Variants in TCF12 observed in about 807,000 individuals in gnomAD.
TCF12 encodes DNA-binding protein HTF4.
A neutral mutation model predicts 86.0 loss-of-function variants in TCF12; 45 were observed. The observed-to-expected ratio is 0.52, with a 90% confidence interval of 0.41 to 0.67. The LOEUF is 0.67. Among genes scored for constraint, TCF12 ranks in the 30% least tolerant of loss-of-function variants. TCF12 has a pLI of 0.00. For synonymous variants in TCF12, 330 were observed against 299.6 expected (o/e 1.10, Z -1.05); for missense variants, 881 against 859.9 (o/e 1.02, Z -0.31).
chr15:57,021,297 C>G (rs1034829436), intron 3 of TCF12, among the ~76,000 whole-genome samples: 4 of 152,166 alleles, frequency 2.6e-5, no homozygotes, highest in Non-Finnish European at 5.9e-5. Context: ...GCCATTGTGT[C>G]ATGCTGAAAT....
intron 18 of TCF12, among the ~76,000 whole-genome samples, chr15:57,264,305 A>G: frequency 7.5e-6 from 1 of 134,008 alleles, no homozygotes; most frequent in East Asian, 2.4e-4. Flanking sequence ...GGTTCAAGTG[A>G]TTCTCCTGCC....
chr15:57,276,617 C>T (rs1249748492), intron 19 of TCF12, among the ~76,000 whole-genome samples: 22 of 151,846 alleles, frequency 1.4e-4, no homozygotes, highest in African/African-American at 3.9e-4. Context: ...TCAGAGCATT[C>T]GGGTAAAAAA....
At chr15:57,280,530 C>G (rs1369468293) in intron 19 of TCF12, among the ~76,000 whole-genome samples, 2 of 152,172 alleles carry the variant, frequency 1.3e-5, no homozygotes, top group Non-Finnish European at 2.9e-5. Flanking sequence ...TGGATGTGAA[C>G]TGTAAATGTG....
chr15:56,921,028 G>A lies in TCF12; in HGVS notation c.78G>A (p.Met26Ile). 1 of 1,593,152 alleles carries A rather than the reference G, an allele frequency of 6.3e-7. No individual in the cohort carries two copies. The highest frequency in any genetic ancestry group is 8.6e-7 in the Non-Finnish European group (1 of 1,169,510). Residue 26 changes from methionine (M) to isoleucine (I), a missense_variant and splice_region_variant, in exon 3 of 21, where the codon ATG becomes ATA. Physicochemically the swap from Met to Ile is conservative, Grantham distance 10. Around this residue, in one of 3 missense-constraint regions of TCF12, gnomAD observed 766 missense variants for 718.9 expected, o/e 1.07. Coordinates refer to ENST00000333725, the MANE Select transcript of TCF12 (RefSeq NM_207037.2). ...GATATATTTGGGTTATTTTGCAGAT[G>A]TTTTCCCCACCTGTTAATAGTGGGA... ...ELSDLLDFSA[M>I]FSPPVNSGKT... is the part of the protein sequence containing the mutation.
At chr15:56,986,921 G>A (rs76792362) in intron 3 of TCF12, among the ~76,000 whole-genome samples, 341 of 152,260 alleles carry the variant, frequency 2.2e-3, no homozygotes, top group Non-Finnish European at 3.9e-3. Flanking sequence ...GTTTTCTATA[G>A]TGTTTTCTGT....
intron 3 of TCF12, among the ~76,000 whole-genome samples, chr15:56,993,093 T>C (rs1291601434): frequency 2.0e-5 from 3 of 150,244 alleles, no homozygotes; most frequent in Non-Finnish European, 4.4e-5. Flanking sequence ...GAGTTTACCA[T>C]TTTTTTTTTC....
At chr15:57,118,589 A>G (rs909546667) in intron 5 of TCF12, among the ~76,000 whole-genome samples, 2 of 151,792 alleles carry the variant, frequency 1.3e-5, no homozygotes, top group Admixed American at 6.6e-5. Context: ...AATTTTTACC[A>G]TTTTTCAGTT....
chr15:57,091,442 G>A (rs191034468), intron 4 of TCF12, among the ~76,000 whole-genome samples: 229 of 152,238 alleles, frequency 1.5e-3, no homozygotes, highest in South Asian at 3.1e-3. Context: ...CCCTTTGGAT[G>A]TAAAGTAATC....
intron 8 of TCF12, among the ~76,000 whole-genome samples, chr15:57,223,643 G>GT (rs550493641): frequency 1.7e-4 from 12 of 69,690 alleles, no homozygotes; most frequent in African/African-American, 3.9e-4. Context: ...TACCAATGAG[G>GT]TTTTTTTTTT....
chr15:57,017,195 A>G (rs1389518298), intron 3 of TCF12, among the ~76,000 whole-genome samples: 2 of 152,168 alleles, frequency 1.3e-5, no homozygotes, highest in Admixed American at 1.3e-4. Context: ...CTCTCTCTAG[A>G]GTGTCCATTT....
chr15:56,983,139 A>G (rs1428921483), intron 3 of TCF12, among the ~76,000 whole-genome samples: 1 of 152,084 alleles, frequency 6.6e-6, no homozygotes, highest in East Asian at 1.9e-4. Context: ...TGGCATGCCT[A>G]TTTTCTGTGA....
chr15:56,972,471 A>T (rs1370886017), intron 3 of TCF12, among the ~76,000 whole-genome samples: 5 of 152,234 alleles, frequency 3.3e-5, no homozygotes, highest in African/African-American at 1.2e-4. Context: ...CTATGAATTG[A>T]TAGTGATTTT....
At chr15:57,101,017 T>C (rs1359114780) in intron 5 of TCF12, among the ~76,000 whole-genome samples, 1 of 152,182 alleles carries the variant, frequency 6.6e-6, no homozygotes, top group Non-Finnish European at 1.5e-5. Context: ...ATTGATTATT[T>C]TGAGTGTCAA....
intron 8 of TCF12, among the ~76,000 whole-genome samples, chr15:57,199,337 C>G (rs575715825): frequency 6.6e-6 from 1 of 152,116 alleles, no homozygotes; most frequent in Admixed American, 6.5e-5. Flanking sequence ...ACTGACAGTA[C>G]TGCTAAAACA....
chr15:57,141,402 T>G (rs2052953709), intron 5 of TCF12, among the ~76,000 whole-genome samples: 1 of 152,180 alleles, frequency 6.6e-6, no homozygotes. Flanking sequence ...CAGGCTGGAG[T>G]GCAGTGTCAC....
At chr15:57,070,375 G>A (rs1248774358) in intron 4 of TCF12, among the ~76,000 whole-genome samples, 1 of 152,050 alleles carries the variant, frequency 6.6e-6, no homozygotes, top group Non-Finnish European at 1.5e-5. Context: ...GACCCAACTA[G>A]GTTGAAAATG....
chr15:57,100,341 C>A (rs2049640542), intron 5 of TCF12, among the ~76,000 whole-genome samples: 1 of 151,964 alleles, frequency 6.6e-6, no homozygotes, highest in South Asian at 2.1e-4. Context: ...GAATTTGGGA[C>A]ACTGTTTTGA....
At chr15:56,985,567 T>C (rs566026290) in intron 3 of TCF12, among the ~76,000 whole-genome samples, 54 of 152,190 alleles carry the variant, frequency 3.5e-4, no homozygotes, top group Non-Finnish European at 6.5e-4. Context: ...AAAATAAGTG[T>C]GCTTATAACC....
At chr15:57,056,116 G>GTGTGT (rs1555492327) in intron 3 of TCF12, among the ~76,000 whole-genome samples, 2 of 143,238 alleles carry the variant, frequency 1.4e-5, no homozygotes, top group African/African-American at 5.4e-5. Flanking sequence ...TAGTTTTAGG[G>GTGTGT]GTGTGTGTGT....
Sources: allele counts gnomAD v4.1 joint callset (sites outside exome capture counted in the v4.1 genomes callset), GRCh38; gene constraint gnomAD v4.1.1; regional missense constraint gnomAD v4.1.1; transcripts MANE v1.5; gene names NCBI Gene and HGNC (gene_info 2026-07-23, HGNC 2026-07-21).